NKAIN2: variants seen among roughly 807,000 people sequenced by gnomAD.
The protein encoded by NKAIN2 is sodium/potassium transporting ATPase interacting 2.
A neutral mutation model predicts 32.6 loss-of-function variants in NKAIN2; 14 were observed. The ratio of observed to expected loss-of-function variants is 0.43; its 90% CI spans 0.28 to 0.67. The LOEUF (loss-of-function observed/expected upper bound fraction) is 0.67. Ranked by LOEUF, NKAIN2 falls within the 30% of genes least tolerant of loss-of-function variation. The probability of loss-of-function intolerance (pLI) is 0.17; values close to 1 mark genes in which losing one functional copy is unlikely to be tolerated. For missense variants in NKAIN2, 198 were observed against 258.3 expected, an observed-to-expected ratio of 0.77 and a Z score of 1.60; for synonymous variants, 80 against 87.2, an observed-to-expected ratio of 0.92 and a Z score of 0.46.
intron 3 of NKAIN2, among the ~76,000 whole-genome samples, chr6:124,564,113 C>T (rs1454861304): frequency 6.6e-6 from 1 of 152,086 alleles, no homozygotes; most frequent in Non-Finnish European, 1.5e-5. Context: ...GAGGAAGTGA[C>T]CGGTGAAGCC....
intron 2 of NKAIN2, among the ~76,000 whole-genome samples, chr6:124,340,784 A>G (rs894470972): frequency 6.6e-6 from 1 of 152,150 alleles, no homozygotes; most frequent in South Asian, 2.1e-4. Flanking sequence ...TTAATTTATA[A>G]TTGTAGGTGT....
chr6:124,271,426 C>T (rs191537745), intron 1 of NKAIN2, among the ~76,000 whole-genome samples: 30 of 152,214 alleles, frequency 2.0e-4, no homozygotes, highest in African/African-American at 6.0e-4. Flanking sequence ...CCATGTTAGC[C>T]GGGATGGTCT....
At chr6:124,543,967 G>T (rs183189123) in intron 3 of NKAIN2, among the ~76,000 whole-genome samples, 157 of 152,284 alleles carry the variant, frequency 1.0e-3, no homozygotes, top group African/African-American at 3.2e-3. Flanking sequence ...CCCACTGTTT[G>T]TCAGGACAAA....
chr6:124,747,739 G>A (rs1340816064), intron 4 of NKAIN2, among the ~76,000 whole-genome samples: 1 of 151,670 alleles, frequency 6.6e-6, no homozygotes, highest in African/African-American at 2.4e-5. Context: ...AAGAGAAATG[G>A]AGGAGGGGGG....
chr6:124,802,569 A>C (rs1780309726), intron 5 of NKAIN2, among the ~76,000 whole-genome samples: 1 of 152,202 alleles, frequency 6.6e-6, no homozygotes. Context: ...TATCGGATTC[A>C]TAATTTTCTG....
chr6:124,217,141 C>T (rs1791519942), intron 1 of NKAIN2, among the ~76,000 whole-genome samples: 1 of 151,992 alleles, frequency 6.6e-6, no homozygotes, highest in South Asian at 2.1e-4. Context: ...AAAGTATAAA[C>T]ATATTGTATA....
chr6:124,806,878 A>G (rs1562394914), intron 5 of NKAIN2, among the ~76,000 whole-genome samples: 1 of 152,182 alleles, frequency 6.6e-6, no homozygotes, highest in Non-Finnish European at 1.5e-5. Flanking sequence ...AACAAAGATC[A>G]AAAGAGACAA....
chr6:124,796,716 C>T (rs1198512429), intron 5 of NKAIN2, among the ~76,000 whole-genome samples: 1 of 152,138 alleles, frequency 6.6e-6, no homozygotes, highest in Non-Finnish European at 1.5e-5. Flanking sequence ...TGTGGCTTGA[C>T]CTTAGAACCC....
At chr6:124,224,940 A>G (rs1455136381) in intron 1 of NKAIN2, among the ~76,000 whole-genome samples, 2 of 152,048 alleles carry the variant, frequency 1.3e-5, no homozygotes, top group Non-Finnish European at 2.9e-5. Flanking sequence ...CTCTTATTAT[A>G]TCCAGTCAAG....
At chr6:123,948,318 A>G (rs1777162528) in intron 1 of NKAIN2, among the ~76,000 whole-genome samples, 1 of 151,968 alleles carries the variant, frequency 6.6e-6, no homozygotes, top group African/African-American at 2.4e-5. Context: ...TGGTAGTTCT[A>G]TTTTTAGCTT....
chr6:124,383,783 T>G (rs1051195124), intron 3 of NKAIN2, among the ~76,000 whole-genome samples: 5 of 152,142 alleles, frequency 3.3e-5, no homozygotes, highest in Non-Finnish European at 7.3e-5. Flanking sequence ...GACAATCAGC[T>G]AGCTTGGCTT....
intron 1 of NKAIN2, among the ~76,000 whole-genome samples, chr6:124,189,227 T>C (rs960682909): frequency 1.1e-4 from 16 of 152,108 alleles, no homozygotes; most frequent in African/African-American, 3.4e-4. Context: ...ACATGAGACA[T>C]GATTGTGCTG....
At chr6:124,047,376 G>A (rs1027128763) in intron 1 of NKAIN2, among the ~76,000 whole-genome samples, 3 of 151,946 alleles carry the variant, frequency 2.0e-5, no homozygotes, top group African/African-American at 7.2e-5. Context: ...GTTTTCGTAT[G>A]TCTATAAAAT....
At chr6:124,747,617 T>C (rs1349632432) in intron 4 of NKAIN2, among the ~76,000 whole-genome samples, 4 of 151,914 alleles carry the variant, frequency 2.6e-5, no homozygotes, top group African/African-American at 7.2e-5. Context: ...GCTTAGCCCA[T>C]GTATGGGTGT....
rs142064209 is a variant in NKAIN2 at position 123,806,832 on chromosome 6, A to G, written c.54+2578A>G. Among the ~76,000 whole-genome samples the G allele has an allele frequency of 3.3e-3, 502 of 152,142 alleles. 1 individual carries two copies. The highest frequency in any genetic ancestry group is 5.0e-3 in the Non-Finnish European group (341 of 67,894). On this transcript the variant is annotated intron_variant, in intron 1 of 6. Transcript: ENST00000368417. Reference sequence around the variant, plus strand: ...TTCAGTTGCTTTATTATGTGACTTGATTAAGGTTCTGGAAACATTAATCTC... The same window carrying G: ...TTCAGTTGCTTTATTATGTGACTTGGTTAAGGTTCTGGAAACATTAATCTC...
At chr6:124,088,310 A>C (rs1420224075) in intron 1 of NKAIN2, among the ~76,000 whole-genome samples, 1 of 151,926 alleles carries the variant, frequency 6.6e-6, no homozygotes, top group African/African-American at 2.4e-5. Context: ...TATCCCAGCT[A>C]CTCGGGAGGC....
intron 1 of NKAIN2, among the ~76,000 whole-genome samples, chr6:123,850,342 G>GAAA (rs367601380): frequency 0.028 from 3,595 of 128,810 alleles, 69 homozygotes; most frequent in African/African-American, 0.055. Flanking sequence ...GCAAGCTGCT[G>GAAA]AAAAAAAAAA....
At chr6:124,087,795 A>C (rs977266329) in intron 1 of NKAIN2, among the ~76,000 whole-genome samples, 1 of 152,046 alleles carries the variant, frequency 6.6e-6, no homozygotes, top group Non-Finnish European at 1.5e-5. Context: ...ATGCCTTATT[A>C]GCAGCGGTAG....
chr6:123,925,823 AC>A (rs1209148402), intron 1 of NKAIN2, among the ~76,000 whole-genome samples: 1 of 152,212 alleles, frequency 6.6e-6, no homozygotes, highest in African/African-American at 2.4e-5. Flanking sequence ...CTGGCATTTC[AC>A]ATATTATTTA....
Sources: gnomAD v4.1 joint callset for allele counts (sites outside exome capture counted in the v4.1 genomes callset) on GRCh38, gnomAD v4.1.1 for gene constraint, MANE v1.5 for transcripts, NCBI Gene and HGNC (gene_info 2026-07-23, HGNC 2026-07-21) for gene names.